The following ATAD3A variants were observed in gnomAD, a reference collection of about 807,000 sequenced individuals.
The protein encoded by ATAD3A is ATPase family AAA domain-containing protein 3A.
A neutral mutation model predicts 73.8 loss-of-function variants in ATAD3A; 46 were observed. That is an observed-to-expected ratio of 0.62 (90% confidence interval 0.49 to 0.80). The LOEUF (loss-of-function observed/expected upper bound fraction) is 0.80, where lower values mean the gene tolerates loss of function less well. Ranked by LOEUF, ATAD3A falls within the 30% of genes least tolerant of loss-of-function variation. The pLI is 0.00. For synonymous variants in ATAD3A, 319 were observed against 350.0 expected (o/e 0.91, Z 0.99); for missense variants, 705 against 838.0 (o/e 0.84, Z 1.96).
chr1:1,513,724 G>T (rs946054986), intron 1 of ATAD3A, among the ~76,000 whole-genome samples: 2 of 151,784 alleles, frequency 1.3e-5, no homozygotes, highest in African/African-American at 4.8e-5. Context: ...CCCCTGCCCT[G>T]CCCCTCTGCC....
chr1:1,517,283 G>C, intron 2 of ATAD3A, 28 bp from the exon 3 acceptor site: 1 of 1,547,486 alleles, frequency 6.5e-7, no homozygotes, highest in Non-Finnish European at 8.7e-7. Context: ...CTGAGCAAGT[G>C]CCAGCTGGTG....
chr1:1,534,482 C>G lies in ATAD3A; in HGVS notation c.*410C>G. On this transcript the variant is annotated 3_prime_UTR_variant, in exon 16 of 16. Coordinates refer to ENST00000378756, the MANE Select transcript of ATAD3A (RefSeq NM_001170535.3). The stretch of plus-strand genomic sequence containing the variant: ...CAGAGCCAGGTGAGGGGGCGCCTGC[C>G]AGGGCCAGACCCAGGTGGGGCAGCC... 1 of 1,000,646 alleles carries G rather than the reference C, an allele frequency of 1.0e-6. No individual in the cohort carries two copies. Among genetic ancestry groups the G allele is most frequent in the Non-Finnish European group, 1.3e-6 (1 of 771,632 alleles). The allele number at this position is 1,000,646 out of a possible 1,614,324, so 62.0% of individuals were successfully genotyped here. A position where few individuals can be genotyped will look rare whatever the true frequency, so the allele number is the denominator to read the frequency against.
intron 4 of ATAD3A, 41 bp from the exon 5 acceptor site, chr1:1,518,880 G>A (rs748010496): frequency 1.2e-6 from 2 of 1,614,070 alleles, no homozygotes; most frequent in Non-Finnish European, 1.7e-6. Flanking sequence ...CACAGTCACA[G>A]GTTTTAAAGG....
intron 15 of ATAD3A, among the ~76,000 whole-genome samples, chr1:1,533,113 C>T (rs562406778): frequency 7.9e-5 from 12 of 152,274 alleles, no homozygotes; most frequent in East Asian, 1.9e-4. Context: ...CCCTGCACCC[C>T]GTGAGATGAA....
At chr1:1,521,223 C>T (rs1470483396) in intron 7 of ATAD3A, among the ~76,000 whole-genome samples, 10 of 134,246 alleles carry the variant, frequency 7.4e-5, no homozygotes, top group Middle Eastern at 3.9e-3. Context: ...CACCTGAACC[C>T]GGGAGGCGGA....
At position 1,533,986 on chromosome 1, in the gene ATAD3A, C is replaced by G. The variant is rs1274231548; in HGVS notation, c.1675C>G (p.Gln559Glu). 4 of 1,613,492 alleles carry G rather than the reference C, an allele frequency of 2.5e-6. No homozygotes were observed. Among genetic ancestry groups the G allele is most frequent in the Non-Finnish European group, 3.4e-6 (4 of 1,179,958 alleles). ...CGAGGCCATGATGGACACCCGCGTG[C>G]AAGATGCTGTCCAGCAGCACCAGCA... is the stretch of plus-strand genomic sequence containing the variant. Reference protein sequence around the residue: ...LTEAMMDTRVQDAVQQHQQKM... With the variant: ...LTEAMMDTRVEDAVQQHQQKM... The change falls in exon 16 of 16, where the codon CAA becomes GAA. Residue 559 changes from glutamine (Q) to glutamate (E), a missense_variant. Physicochemically the swap from Gln to Glu is conservative, Grantham distance 29. This residue lies in a region of ATAD3A where 252 missense variants were observed against 278.5 expected (regional missense o/e 0.90). Coordinates refer to ENST00000378756, the MANE Select transcript of ATAD3A (RefSeq NM_001170535.3).
intron 1 of ATAD3A, among the ~76,000 whole-genome samples, chr1:1,514,673 C>A (rs1460051348): frequency 1.3e-5 from 2 of 152,166 alleles, no homozygotes; most frequent in African/African-American, 4.8e-5. Context: ...CTTCCCCCTG[C>A]GTCAGTCACC....
At position 1,520,819 on chromosome 1, in the gene ATAD3A, CCA is replaced by C. The variant is rs1641565359; in HGVS notation, c.750+207_750+208del. ...AAGAAAACGCAGTTGCCAGCCTGGG[CCA>C]CACAGTGAGACCCCATCTCTACAAA... On this transcript the variant is annotated intron_variant, in intron 7 of 15. Coordinates refer to ENST00000378756, the MANE Select transcript of ATAD3A (RefSeq NM_001170535.3). The surrounding 1 kb of genome is among the most constrained non-coding windows in gnomAD (Gnocchi z 4.0). Among the ~76,000 whole-genome samples the C allele has an allele frequency of 6.6e-6, 1 of 152,160 alleles. No individual in the cohort carries two copies. The highest frequency in any genetic ancestry group is 1.5e-5 in the Non-Finnish European group (1 of 68,028).
intron 1 of ATAD3A, among the ~76,000 whole-genome samples, chr1:1,515,013 A>G (rs1218048255): frequency 1.3e-5 from 2 of 152,180 alleles, no homozygotes; most frequent in Admixed American, 1.3e-4. Flanking sequence ...AGCTGAGATC[A>G]CAGGCGTGCA....
chr1:1,534,122 A>G lies in ATAD3A; in HGVS notation c.*50A>G. ...CGGAGCCTGGCCGCGGACCCCTCCC[A>G]CCCCTGCCTTGCCGGCCCCTGCACA... On this transcript the variant is annotated 3_prime_UTR_variant, in exon 16 of 16. Coordinates refer to ENST00000378756, the MANE Select transcript of ATAD3A (RefSeq NM_001170535.3). 6.2e-7 allele frequency: 1 copy of G among 1,612,066 alleles called. No individual in the cohort carries two copies. The highest frequency in any genetic ancestry group is 1.7e-5 in the Admixed American group (1 of 59,934).
rs541742783 is a variant in ATAD3A at position 1,520,376 on chromosome 1, G to C, written c.680+70G>C. On this transcript the variant is annotated intron_variant, in intron 6 of 15. Transcript: ENST00000378756. This position sits in a 1 kb window ranked among gnomAD's most constrained non-coding sequence, Gnocchi z 4.0. ...AGGTGTGAGTCGCTGGTCCCAGGGC[G>C]CTCTCCAGCTCTTCCAGGCCTTGCC... 1.9e-6 allele frequency: 3 copies of C among 1,594,158 alleles called. No homozygotes were observed. Among genetic ancestry groups the C allele is most frequent in the Non-Finnish European group, 2.6e-6 (3 of 1,167,124 alleles).
chr1:1,518,570 GAC>G (rs144700871), intron 4 of ATAD3A, among the ~76,000 whole-genome samples: 62 of 106,368 alleles, frequency 5.8e-4, no homozygotes, highest in African/African-American at 2.2e-3. Flanking sequence ...CCGTCACAGG[GAC>G]ACACACACAC....
chr1:1,527,996 G>A (rs1570352815), intron 14 of ATAD3A, 134 bp downstream of exon 14: 3 of 1,135,386 alleles, frequency 2.6e-6, no homozygotes, highest in Non-Finnish European at 3.5e-6. Flanking sequence ...TCTCATTCTT[G>A]TCGCCCAGGC....
chr1:1,534,091 A>G lies in ATAD3A; in HGVS notation c.*19A>G, dbSNP rs1260875591. On this transcript the variant is annotated 3_prime_UTR_variant, in exon 16 of 16. Coordinates refer to ENST00000378756, the MANE Select transcript of ATAD3A (RefSeq NM_001170535.3). Reference sequence around the variant, plus strand: ...ATCCTGAGTCCACAGGGAGATCCACAGCTCACGGAGCCTGGCCGCGGACCC... The same window carrying G: ...ATCCTGAGTCCACAGGGAGATCCACGGCTCACGGAGCCTGGCCGCGGACCC... 3 of 1,613,434 alleles carry G rather than the reference A, an allele frequency of 1.9e-6. No individual in the cohort carries two copies. The South Asian group carries it at 3.3e-5, about 18-fold the overall frequency.
chr1:1,523,700 G>A lies in ATAD3A; in HGVS notation c.963+133G>A. 1.3e-6 allele frequency: 2 copies of A among 1,588,770 alleles called. No homozygotes were observed. Among genetic ancestry groups the A allele is most frequent in the Admixed American group, 1.7e-5 (1 of 57,736 alleles). ...CCTGAGATGCGACTGCTTGGACCGT[G>A]CTGGGGATAGATAGGCTGCCCCTGA... is the stretch of plus-strand genomic sequence containing the variant. On this transcript the variant is annotated intron_variant, in intron 9 of 15. Coordinates refer to ENST00000378756, the MANE Select transcript of ATAD3A (RefSeq NM_001170535.3). The surrounding 1 kb of genome is among the most constrained non-coding windows in gnomAD (Gnocchi z 5.1).
chr1:1,518,818 GCA>G, intron 4 of ATAD3A, 101 bp from the exon 5 acceptor site: 2 of 1,600,118 alleles, frequency 1.2e-6, no homozygotes, highest in Non-Finnish European at 1.7e-6. Flanking sequence ...CCGCAAACGG[GCA>G]CACTCACCCC....
intron 1 of ATAD3A, among the ~76,000 whole-genome samples, chr1:1,515,068 T>A (rs1230511921): frequency 6.6e-6 from 1 of 152,058 alleles, no homozygotes; most frequent in Non-Finnish European, 1.5e-5. Flanking sequence ...GGAGACAGGG[T>A]TTCGCCATGT....
At chr1:1,522,474 C>T (rs1446828697) in intron 7 of ATAD3A, among the ~76,000 whole-genome samples, 5 of 152,230 alleles carry the variant, frequency 3.3e-5, no homozygotes, top group Admixed American at 6.5e-5. Context: ...CTGTCCAGGG[C>T]CCCGCTCAGC....
rs551557841 is a variant in ATAD3A at position 1,529,132 on chromosome 1, G to A, written c.1506-91G>A. 93 of 1,546,532 alleles carry A rather than the reference G, an allele frequency of 6.0e-5. No individual in the cohort carries two copies. The South Asian group carries it at 1.0e-3, about 17-fold the overall frequency. On this transcript the variant is annotated intron_variant, in intron 14 of 15. Transcript: ENST00000378756. Reference sequence around the variant, plus strand: ...CCCCTCCAAAGAGGATGTTTGGCGTGGGTGTCGGCCTCGCTGCCTGTCTTC... The same window carrying A: ...CCCCTCCAAAGAGGATGTTTGGCGTAGGTGTCGGCCTCGCTGCCTGTCTTC...
Sources: allele counts gnomAD v4.1 joint callset (sites outside exome capture counted in the v4.1 genomes callset), GRCh38; gene constraint gnomAD v4.1.1; regional missense constraint gnomAD v4.1.1; non-coding constraint Gnocchi (gnomAD v3.1); transcripts MANE v1.5; gene names NCBI Gene and HGNC (gene_info 2026-07-23, HGNC 2026-07-21).